The following SDK1 variants were observed in gnomAD, a reference collection of about 807,000 sequenced individuals.
SDK1 encodes protein sidekick-1.
In SDK1, 157 loss-of-function variants were observed where a neutral mutation model predicts 245.5. The ratio of observed to expected loss-of-function variants is 0.64; its 90% CI spans 0.56 to 0.73. The LOEUF (loss-of-function observed/expected upper bound fraction) is 0.73, where lower values mean the gene tolerates loss of function less well. SDK1 is among the 30% of genes least tolerant of loss of function. SDK1 has a pLI of 0.00. For synonymous variants in SDK1, 1,647 were observed against 1,278.5 expected, an observed-to-expected ratio of 1.29 and a Z score of -6.15; for missense variants, 3,583 against 3,002.3, an observed-to-expected ratio of 1.19 and a Z score of -4.52.
chr7:4,039,152 T>G, intron 17 of SDK1, among the ~76,000 whole-genome samples: 1 of 125,042 alleles, frequency 8.0e-6, no homozygotes, highest in African/African-American at 4.0e-5. Context: ...GGGCCTGTTG[T>G]GGGGTGGGGG....
chr7:3,876,114 A>C (rs1188705156), intron 5 of SDK1, among the ~76,000 whole-genome samples: 2 of 152,138 alleles, frequency 1.3e-5, no homozygotes, highest in Non-Finnish European at 2.9e-5. Context: ...GTCAGGCACT[A>C]GTCTGCTGTT....
At position 3,527,820 on chromosome 7, in the gene SDK1, T is replaced by C. The variant is rs533300432; in HGVS notation, c.299-91260T>C. Among the ~76,000 whole-genome samples, 11 of 149,044 alleles carry C rather than the reference T, an allele frequency of 7.4e-5. No homozygotes were observed. The South Asian group carries it at 2.2e-3, about 29-fold the overall frequency. ...AGAGGGTGAATGTTAGGAGGTAAGG[T>C]TGGATGATAGTCAGCTAGGGGGTGA... On this transcript the variant is annotated intron_variant, in intron 1 of 44. Coordinates refer to ENST00000404826, the MANE Select transcript of SDK1 (RefSeq NM_152744.4).
At chr7:3,694,385 C>T (rs772474764) in intron 4 of SDK1, among the ~76,000 whole-genome samples, 20 of 152,162 alleles carry the variant, frequency 1.3e-4, no homozygotes, top group Non-Finnish European at 2.4e-4. Flanking sequence ...CTCTCATAGA[C>T]ACTCACAGTT....
At chr7:3,396,551 C>T (rs956001920) in intron 1 of SDK1, among the ~76,000 whole-genome samples, 2 of 151,792 alleles carry the variant, frequency 1.3e-5, no homozygotes, top group Non-Finnish European at 3.0e-5. Context: ...CCTGTTACTG[C>T]ATACATATTT....
At chr7:3,980,107 C>T (rs1474800336) in intron 13 of SDK1, among the ~76,000 whole-genome samples, 1 of 152,154 alleles carries the variant, frequency 6.6e-6, no homozygotes, top group Non-Finnish European at 1.5e-5. Flanking sequence ...ATGGGTTTGA[C>T]CAAGTCATCA....
chr7:3,357,718 A>G (rs1395667996), intron 1 of SDK1, among the ~76,000 whole-genome samples: 1 of 151,502 alleles, frequency 6.6e-6, no homozygotes, highest in Non-Finnish European at 1.5e-5. Context: ...ACATCCCTCC[A>G]CTTTTCTCTT....
chr7:3,692,991 C>T (rs1784476750), intron 4 of SDK1, among the ~76,000 whole-genome samples: 1 of 151,722 alleles, frequency 6.6e-6, no homozygotes, highest in Non-Finnish European at 1.5e-5. Context: ...GTAATATTTG[C>T]CAGTTTTCTG....
intron 1 of SDK1, among the ~76,000 whole-genome samples, chr7:3,573,573 C>T (rs1202511623): frequency 6.6e-6 from 1 of 152,056 alleles, no homozygotes; most frequent in Non-Finnish European, 1.5e-5. Context: ...TCTTCTCAGT[C>T]ACACCCAGCA....
In SDK1 at chr7:3,990,430, G is replaced by T. The variant is rs753039958; in HGVS notation, c.2131+3108G>T. Reference sequence around the variant, plus strand: ...ACGGCCATCTTAGCTTCCATTCAACGGCTCTGACCGAACGGGGAAGGCCAG... The same window carrying T: ...ACGGCCATCTTAGCTTCCATTCAACTGCTCTGACCGAACGGGGAAGGCCAG... On this transcript the variant is annotated intron_variant, in intron 14 of 44. Transcript: ENST00000404826. Among the ~76,000 whole-genome samples the T allele has an allele frequency of 3.3e-5, 5 of 152,272 alleles. No individual in the cohort carries two copies. In the East Asian group the frequency reaches 9.7e-4, roughly 29 times the overall value.
chr7:3,590,348 A>G (rs550508843), intron 1 of SDK1, among the ~76,000 whole-genome samples: 42 of 130,252 alleles, frequency 3.2e-4, no homozygotes, highest in Admixed American at 1.4e-3. Context: ...GAATAATACT[A>G]TAGACAAAAT....
At chr7:3,806,822 C>G (rs1779261623) in intron 4 of SDK1, among the ~76,000 whole-genome samples, 1 of 152,064 alleles carries the variant, frequency 6.6e-6, no homozygotes, top group African/African-American at 2.4e-5. Flanking sequence ...GCTGCTGCCC[C>G]TTTTTCTATT....
At chr7:3,973,056 T>G (rs1487905931) in intron 12 of SDK1, among the ~76,000 whole-genome samples, 1 of 152,186 alleles carries the variant, frequency 6.6e-6, no homozygotes. Context: ...ATCCCTGTGG[T>G]TTCGTAGTAG....
intron 1 of SDK1, among the ~76,000 whole-genome samples, chr7:3,323,900 C>T (rs901923970): frequency 1.3e-5 from 2 of 152,204 alleles, no homozygotes; most frequent in African/African-American, 4.8e-5. Flanking sequence ...GGTTCTTCTT[C>T]AGCCAGTAAA....
chr7:4,047,468 T>C (rs1398585929), intron 17 of SDK1, among the ~76,000 whole-genome samples: 2 of 152,214 alleles, frequency 1.3e-5, no homozygotes, highest in Admixed American at 1.3e-4. Context: ...TTCAGAGGCT[T>C]TTTCTGATTT....
At chr7:3,731,569 T>A (rs1461673183) in intron 4 of SDK1, among the ~76,000 whole-genome samples, 1 of 152,220 alleles carries the variant, frequency 6.6e-6, no homozygotes, top group Non-Finnish European at 1.5e-5. Flanking sequence ...GTGGTTGAGA[T>A]GCACCTGAGC....
Position 3,723,930 on chromosome 7 carries a change from A to C in SDK1, c.713+81825A>C, listed in dbSNP as rs1778921366. On this transcript the variant is annotated intron_variant, in intron 4 of 44. Coordinates refer to ENST00000404826, the MANE Select transcript of SDK1 (RefSeq NM_152744.4). ...CGTACATATATATATACACGTATAT[A>C]TATATATATATATAGAGAGAGAGAG... is the stretch of plus-strand genomic sequence containing the variant. Among the ~76,000 whole-genome samples, 3 of 117,456 alleles carry C rather than the reference A, an allele frequency of 2.6e-5. 1 individual carries two copies. Among genetic ancestry groups the C allele is most frequent in the African/African-American group, 9.7e-5 (3 of 31,014 alleles). 77.1% of individuals were successfully genotyped at this position (117,456 alleles called of 152,430 possible).
At chr7:4,047,737 G>C (rs1312206998) in intron 17 of SDK1, among the ~76,000 whole-genome samples, 2 of 152,182 alleles carry the variant, frequency 1.3e-5, no homozygotes, top group Non-Finnish European at 2.9e-5. Flanking sequence ...TGACTCCTTG[G>C]ACAGGCCCAT....
chr7:4,234,900 G>A (rs1274417623), intron 41 of SDK1, among the ~76,000 whole-genome samples: 1 of 152,240 alleles, frequency 6.6e-6, no homozygotes, highest in African/African-American at 2.4e-5. Context: ...AGAAGCCCCA[G>A]GTAGGGCCAG....
chr7:4,018,309 G>C (rs759177528), intron 17 of SDK1, among the ~76,000 whole-genome samples: 1 of 152,190 alleles, frequency 6.6e-6, no homozygotes, highest in African/African-American at 2.4e-5. Context: ...TCATGCCTGA[G>C]ACCTAATGTT....
Sources: gnomAD v4.1 joint callset for allele counts (sites outside exome capture counted in the v4.1 genomes callset) on GRCh38, gnomAD v4.1.1 for gene constraint, MANE v1.5 for transcripts, NCBI Gene and HGNC (gene_info 2026-07-23, HGNC 2026-07-21) for gene names.